The following DNAH6 variants were observed in gnomAD, a reference collection of about 807,000 sequenced individuals.
The protein encoded by DNAH6 is dynein axonemal heavy chain 6, also known as axonemal beta dynein heavy chain 6.
A neutral mutation model predicts 491.4 loss-of-function variants in DNAH6; 340 were observed. That is an observed-to-expected ratio of 0.69 (90% CI 0.63 to 0.76). The LOEUF is 0.76. Among genes scored for constraint, DNAH6 ranks in the 30% least tolerant of loss-of-function variants. DNAH6 has a pLI of 0.00. For synonymous variants in DNAH6, 1,603 were observed against 1,686.1 expected, an observed-to-expected ratio of 0.95 and a Z score of 1.21; for missense variants, 4,443 against 4,972.2, an observed-to-expected ratio of 0.89 and a Z score of 3.20.
At chr2:84,517,378 C>T (rs578139155) in intron 1 of DNAH6, among the ~76,000 whole-genome samples, 115 of 152,182 alleles carry the variant, frequency 7.6e-4, no homozygotes, top group African/African-American at 2.7e-3. Flanking sequence ...TTTTTTTTCC[C>T]TTTGTTTCTT....
chr2:84,667,572 A>G (rs190318016), intron 37 of DNAH6, among the ~76,000 whole-genome samples: 8 of 152,100 alleles, frequency 5.3e-5, no homozygotes, highest in African/African-American at 1.9e-4. Flanking sequence ...CACCAGTTAG[A>G]ATGTCAATCA....
At position 84,584,450 on chromosome 2, in the gene DNAH6, G is replaced by A. The variant is rs56160107; in HGVS notation, c.2481+200G>A. 4.8e-3 allele frequency: 2,771 copies of A among 573,072 alleles called. 52 individuals are homozygous for A. Among genetic ancestry groups the A allele is most frequent in the African/African-American group, 0.043 (2,275 of 53,322 alleles). 35.5% of individuals were successfully genotyped at this position (573,072 alleles called of 1,614,324 possible). A position where few individuals can be genotyped will look rare whatever the true frequency, so the allele number is the denominator to read the frequency against. On this transcript the variant is annotated intron_variant, in intron 15 of 76. Coordinates refer to ENST00000389394, the MANE Select transcript of DNAH6 (RefSeq NM_001370.2). ...CGTCACATACATCATTTTTTGTGGTGAGAATAATTAAGACTACTCTTCAAA... is the reference window on the plus strand; with the variant it reads ...CGTCACATACATCATTTTTTGTGGTAAGAATAATTAAGACTACTCTTCAAA...
intron 70 of DNAH6, among the ~76,000 whole-genome samples, chr2:84,804,764 A>G (rs1176168813): frequency 1.3e-5 from 2 of 152,186 alleles, no homozygotes; most frequent in Non-Finnish European, 2.9e-5. Flanking sequence ...ATACATTTTA[A>G]TCATTTTTAA....
intron 63 of DNAH6, among the ~76,000 whole-genome samples, chr2:84,757,862 A>G (rs1674196320): frequency 6.6e-6 from 1 of 152,164 alleles, no homozygotes; most frequent in African/African-American, 2.4e-5. Flanking sequence ...GACAAATCAA[A>G]GGACAGGAAA....
intron 16 of DNAH6, 132 bp from the exon 17 acceptor site, chr2:84,593,840 C>A: frequency 2.5e-6 from 1 of 392,204 alleles, no homozygotes; most frequent in Middle Eastern, 7.0e-4. Context: ...TTCTAGTGCT[C>A]CTTTTCTTAA....
intron 76 of DNAH6, among the ~76,000 whole-genome samples, chr2:84,817,704 G>A (rs1165277276): frequency 6.6e-6 from 1 of 152,190 alleles, no homozygotes; most frequent in African/African-American, 2.4e-5. Context: ...TTGGCTCATG[G>A]TTCTGCAGGC....
At chr2:84,771,225 T>C (rs1675573106) in intron 64 of DNAH6, among the ~76,000 whole-genome samples, 1 of 151,748 alleles carries the variant, frequency 6.6e-6, no homozygotes, top group Non-Finnish European at 1.5e-5. Flanking sequence ...GAGGCAGAGT[T>C]TGCAGTGAGC....
rs1687366052 is a variant in DNAH6 at position 84,621,243 on chromosome 2, G to A, written c.3845G>A (p.Gly1282Asp). Residue 1282 changes from glycine to aspartate, a missense_variant, in exon 25 of 77, where the codon GGT becomes GAT. Physicochemically the swap from Gly to Asp is moderately conservative, Grantham distance 94 (BLOSUM62 -1). Around this residue, in one of 3 missense-constraint regions of DNAH6, gnomAD observed 2,977 missense variants for 3,296.6 expected, o/e 0.90. Coordinates refer to ENST00000389394, the MANE Select transcript of DNAH6 (RefSeq NM_001370.2). ...KARGNVEEWL[G>D]KVEEAMFTSL... is the part of the protein sequence containing the mutation. ...CGAGGCAATGTAGAGGAATGGCTTG[G>A]TAAAGTGGAAGAAGCCATGTTCACA... 1 of 1,551,612 alleles carries A rather than the reference G, an allele frequency of 6.4e-7. No homozygotes were observed. The highest frequency in any genetic ancestry group is 1.2e-5 in the South Asian group (1 of 84,062).
intron 62 of DNAH6, among the ~76,000 whole-genome samples, chr2:84,739,322 T>C (rs1672296014): frequency 6.6e-6 from 1 of 152,182 alleles, no homozygotes; most frequent in Non-Finnish European, 1.5e-5. Flanking sequence ...CCCAAGTGTG[T>C]CTTGGGAATT....
At chr2:84,509,309 A>G in the DNAH6 span, among the ~76,000 whole-genome samples, 1 of 152,172 alleles carries the variant, frequency 6.6e-6, no homozygotes, top group Non-Finnish European at 1.5e-5. Context: ...TTCTTGTTGA[A>G]TTGATCCCTT....
chr2:84,520,381 C>T (rs1313003309), intron 2 of DNAH6, among the ~76,000 whole-genome samples: 2 of 152,070 alleles, frequency 1.3e-5, no homozygotes, highest in African/African-American at 2.4e-5. Flanking sequence ...GGTGAAACTG[C>T]ACCTTCACAC....
intron 32 of DNAH6, among the ~76,000 whole-genome samples, chr2:84,641,376 A>AT (rs1689380821): frequency 6.6e-6 from 1 of 152,086 alleles, no homozygotes; most frequent in South Asian, 2.1e-4. Context: ...CAGGATGGCC[A>AT]TTTAAGGACT....
intron 31 of DNAH6, among the ~76,000 whole-genome samples, chr2:84,639,340 G>A (rs73943370): frequency 0.011 from 1,730 of 151,734 alleles, 31 homozygotes; most frequent in African/African-American, 0.04. Context: ...TGGATTGGAC[G>A]AATTTGAAAG....
At chr2:84,535,244 G>A (rs1677576347) in intron 4 of DNAH6, among the ~76,000 whole-genome samples, 1 of 151,702 alleles carries the variant, frequency 6.6e-6, no homozygotes, top group Non-Finnish European at 1.5e-5. Context: ...TCATTTATAA[G>A]GAAAATTTTC....
rs1192315 is a variant in DNAH6 at position 84,786,105 on chromosome 2, T to C, written c.11100+349T>C. On this transcript the variant is annotated intron_variant, in intron 67 of 76. Coordinates refer to ENST00000389394, the MANE Select transcript of DNAH6 (RefSeq NM_001370.2). ...GTGTGGTCTACAGAGAAAGAAAGAA[T>C]GAATGAATGAATGAATGAATGAATG... 2.9e-3 allele frequency among the ~76,000 whole-genome samples: 303 copies of C among 103,864 alleles called. 5 individuals carry two copies. The East Asian group carries it at 0.066, about 23-fold the overall frequency. 68.1% of individuals were successfully genotyped at this position (103,864 alleles called of 152,430 possible). A position where few individuals can be genotyped will look rare whatever the true frequency, so the allele number is the denominator to read the frequency against.
intron 64 of DNAH6, among the ~76,000 whole-genome samples, chr2:84,775,925 G>A (rs1676075920): frequency 6.6e-6 from 1 of 151,974 alleles, no homozygotes; most frequent in Admixed American, 6.6e-5. Flanking sequence ...AATATAGTTA[G>A]TGGTCTATCA....
chr2:84,541,543 AG>A (rs1678244363), intron 4 of DNAH6, among the ~76,000 whole-genome samples: 1 of 152,236 alleles, frequency 6.6e-6, no homozygotes, highest in Non-Finnish European at 1.5e-5. Flanking sequence ...GTGGGATTTT[AG>A]TTAAGTAGGT....
chr2:84,636,806 A>T (rs890701842), intron 30 of DNAH6, among the ~76,000 whole-genome samples: 8 of 151,962 alleles, frequency 5.3e-5, no homozygotes, highest in Admixed American at 1.3e-4. Flanking sequence ...AGGTGGAAGG[A>T]TTGCTTGAGC....
Position 84,677,103 on chromosome 2 carries a change from G to A in DNAH6, c.6711G>A (p.Met2237Ile), listed in dbSNP as rs1374669184. 16 of 1,551,610 alleles carry A rather than the reference G, an allele frequency of 1.0e-5. No individual in the cohort carries two copies. In the African/African-American group the frequency reaches 1.6e-4, roughly 16 times the overall value. Residue 2237 changes from methionine to isoleucine, a missense_variant, in exon 41 of 77, where the codon ATG becomes ATA. Met to Ile is a conservative substitution (Grantham distance 10, BLOSUM62 1). This residue lies in a region of DNAH6 where 2,977 missense variants were observed against 3,296.6 expected (regional missense o/e 0.90). Coordinates refer to ENST00000389394, the MANE Select transcript of DNAH6 (RefSeq NM_001370.2). ...ACTTCAGCATGCTGTGCCTCCCAAT[G>A]CCCTCAGAGCACAGTCTGAAACAGA... ...IRHFSMLCLP[M>I]PSEHSLKQIF... is the part of the protein sequence containing the mutation.
Sources: allele counts gnomAD v4.1 joint callset (sites outside exome capture counted in the v4.1 genomes callset), GRCh38; gene constraint gnomAD v4.1.1; regional missense constraint gnomAD v4.1.1; transcripts MANE v1.5; gene names NCBI Gene and HGNC (gene_info 2026-07-23, HGNC 2026-07-21).